DYNC2H1: variants seen among roughly 807,000 people sequenced by gnomAD.
DYNC2H1 encodes dynein cytoplasmic 2 heavy chain 1.
DYNC2H1 carries 410 observed loss-of-function variants against 570.0 expected under a neutral mutation model. The ratio of observed to expected loss-of-function variants is 0.72; its 90% CI spans 0.66 to 0.78. DYNC2H1 has a LOEUF of 0.78. DYNC2H1 is among the 30% of genes least tolerant of loss of function. The pLI, the probability that DYNC2H1 is intolerant of heterozygous loss-of-function variation, is 0.00. For synonymous variants in DYNC2H1, 1,688 were observed against 1,677.6 expected (o/e 1.01, Z -0.15); for missense variants, 4,865 against 5,046.4 (o/e 0.96, Z 1.09).
rs570184407 is a variant in DYNC2H1, at chr11:103,328,796, A to G, written c.12039+4806A>G. Among the ~76,000 whole-genome samples the G allele has an allele frequency of 5.3e-5, 8 of 152,338 alleles. No individual in the cohort carries two copies. The South Asian group carries it at 1.7e-3, about 32-fold the overall frequency. ...TACACACCACATGGCATTCTCAACCACATCAGCTAATACACTCTTTTCCTC... is the reference window on the plus strand; with the variant it reads ...TACACACCACATGGCATTCTCAACCGCATCAGCTAATACACTCTTTTCCTC... On this transcript the variant is annotated intron_variant, in intron 82 of 88. Transcript: ENST00000375735.
At position 103,199,912 on chromosome 11, in the gene DYNC2H1, A is replaced by G. The variant is rs1862649015; in HGVS notation, c.8089-134A>G. On this transcript the variant is annotated intron_variant, in intron 49 of 88. Coordinates refer to ENST00000375735, the MANE Select transcript of DYNC2H1 (RefSeq NM_001377.3). The surrounding 1 kb of genome is among the most constrained non-coding windows in gnomAD (Gnocchi z 4.6). ...ATTATGTGGCTAAAGTTTGATTTTTAATTATTAAAATGGAAATAAATGAAT... is the reference window on the plus strand; with the variant it reads ...ATTATGTGGCTAAAGTTTGATTTTTGATTATTAAAATGGAAATAAATGAAT... 1 of 633,652 alleles carries G rather than the reference A, an allele frequency of 1.6e-6. No homozygotes were observed. Among genetic ancestry groups the G allele is most frequent in the Non-Finnish European group, 2.6e-6 (1 of 383,386 alleles). 39.3% of individuals were successfully genotyped at this position (633,652 alleles called of 1,614,324 possible).
intron 85 of DYNC2H1, among the ~76,000 whole-genome samples, chr11:103,447,601 A>G (rs581977): frequency 0.53 from 81,121 of 151,908 alleles, 22,322 homozygotes; most frequent in African/African-American, 0.67. Flanking sequence ...CACATTCATC[A>G]AATTCATAGA....
Position 103,136,606 on chromosome 11 carries a change from T to G in DYNC2H1, c.2574+658T>G, listed in dbSNP as rs1174892570. Among the ~76,000 whole-genome samples, 5 of 152,240 alleles carry G rather than the reference T, an allele frequency of 3.3e-5. No individual in the cohort carries two copies. The East Asian group carries it at 7.7e-4, about 23-fold the overall frequency. On this transcript the variant is annotated intron_variant, in intron 17 of 88. Coordinates refer to ENST00000375735, the MANE Select transcript of DYNC2H1 (RefSeq NM_001377.3). ...TTCCATGGTGTATATGTGCCACATTTTCTTAATCAAGTCTATCATTGTTGG... is the reference window on the plus strand; with the variant it reads ...TTCCATGGTGTATATGTGCCACATTGTCTTAATCAAGTCTATCATTGTTGG...
chr11:103,443,032 A>G (rs992801943), intron 85 of DYNC2H1, among the ~76,000 whole-genome samples: 2 of 151,382 alleles, frequency 1.3e-5, no homozygotes, highest in African/African-American at 4.9e-5. Context: ...TTATTAATAT[A>G]TAACAAAAGA....
chr11:103,118,437 G>A (rs369813918), intron 6 of DYNC2H1, among the ~76,000 whole-genome samples: 10 of 150,862 alleles, frequency 6.6e-5, no homozygotes, highest in Middle Eastern at 6.9e-3. Flanking sequence ...GAATGTCCAC[G>A]TATCCACCAT....
In DYNC2H1 at chr11:103,386,160, T is replaced by C. The variant is rs1333278594; in HGVS notation, c.12157-13503T>C. Among the ~76,000 whole-genome samples, 5 of 152,222 alleles carry C rather than the reference T, an allele frequency of 3.3e-5. No homozygotes were observed. In the East Asian group the frequency reaches 7.7e-4, roughly 23 times the overall value. ...TAATATGTTATTCAACATTTTTGGTTGTTTTCAGCAGCAGCTAGCCCTACT... is the reference window on the plus strand; with the variant it reads ...TAATATGTTATTCAACATTTTTGGTCGTTTTCAGCAGCAGCTAGCCCTACT... On this transcript the variant is annotated intron_variant, in intron 83 of 88. Transcript: ENST00000375735.
intron 42 of DYNC2H1, 151 bp from the exon 43 acceptor site, chr11:103,187,189 A>C: frequency 6.4e-6 from 7 of 1,093,762 alleles, no homozygotes; most frequent in Non-Finnish European, 8.9e-6. Flanking sequence ...TTTGATAGTT[A>C]TGGAAGCCAT....
At chr11:103,428,183 A>G in intron 84 of DYNC2H1, among the ~76,000 whole-genome samples, 1 of 98,916 alleles carries the variant, frequency 1.0e-5, no homozygotes. Flanking sequence ...CTATAACATG[A>G]GCTTTTTTTT....
chr11:103,140,998 C>T (rs1001146701), intron 17 of DYNC2H1, among the ~76,000 whole-genome samples: 15 of 152,136 alleles, frequency 9.9e-5, no homozygotes, highest in Non-Finnish European at 1.6e-4. Flanking sequence ...TTGATCGCAT[C>T]GGCTCCTGAG....
chr11:103,176,291 A>G lies in DYNC2H1; in HGVS notation c.5731A>G (p.Thr1911Ala). 6.5e-7 allele frequency: 1 copy of G among 1,547,546 alleles called. No homozygotes were observed. Among genetic ancestry groups the G allele is most frequent in the Non-Finnish European group, 8.7e-7 (1 of 1,145,716 alleles). Residue 1911 changes from threonine (T) to alanine (A), a missense_variant, in exon 37 of 89, where the codon ACG (threonine) becomes GCG (alanine). This residue lies in a region of DYNC2H1 where 292 missense variants were observed against 300.2 expected (regional missense o/e 0.97). Transcript: ENST00000375735. ...ALRLNTMSKFTFTDCTRFDAL... is the reference protein window; with the variant it reads ...ALRLNTMSKFAFTDCTRFDAL... Reference sequence around the variant, plus strand: ...GAGGCTTAATACCATGTCAAAGTTTACGTTTACTGATTGCACCCGGTTTGA... The same window carrying G: ...GAGGCTTAATACCATGTCAAAGTTTGCGTTTACTGATTGCACCCGGTTTGA...
chr11:103,199,482 T>C lies in DYNC2H1; in HGVS notation c.8088+6T>C. On this transcript the variant is annotated splice_donor_region_variant and intron_variant, in intron 49 of 88. Coordinates refer to ENST00000375735, the MANE Select transcript of DYNC2H1 (RefSeq NM_001377.3). This position sits in a 1 kb window ranked among gnomAD's most constrained non-coding sequence, Gnocchi z 4.6. ...TCAAAAATGATCTCAAACATGTGAG[T>C]TGCCCACTCTCTTTTGCTTTATTTG... 6.4e-7 allele frequency: 1 copy of C among 1,557,834 alleles called. No homozygotes were observed. Among genetic ancestry groups the C allele is most frequent in the Non-Finnish European group, 8.7e-7 (1 of 1,151,468 alleles).
At chr11:103,236,574 G>T in intron 63 of DYNC2H1, 35 bp downstream of exon 63, 1 of 1,159,654 alleles carries the variant, frequency 8.6e-7, no homozygotes, top group Non-Finnish European at 1.3e-6. Context: ...TATTAGAAAT[G>T]TTTTATTGTC....
intron 83 of DYNC2H1, among the ~76,000 whole-genome samples, chr11:103,388,566 A>G (rs930584668): frequency 1.3e-5 from 2 of 152,224 alleles, no homozygotes; most frequent in African/African-American, 4.8e-5. Context: ...GAGAGAGGGC[A>G]TCCCTGTCTT....
At chr11:103,122,352 T>C (rs1053160558) in intron 10 of DYNC2H1, among the ~76,000 whole-genome samples, 1 of 152,238 alleles carries the variant, frequency 6.6e-6, no homozygotes. Context: ...CAGTCAGTTT[T>C]CCAGGGTGCT....
chr11:103,357,873 C>T (rs1940425979), intron 82 of DYNC2H1, among the ~76,000 whole-genome samples: 1 of 152,206 alleles, frequency 6.6e-6, no homozygotes, highest in Admixed American at 6.5e-5. Flanking sequence ...TCGCTTGAGC[C>T]CAGGGATTTG....
intron 63 of DYNC2H1, among the ~76,000 whole-genome samples, chr11:103,237,961 A>G (rs1864284826): frequency 6.6e-6 from 1 of 152,170 alleles, no homozygotes; most frequent in Non-Finnish European, 1.5e-5. Context: ...AGTTCCTTTT[A>G]GATAATTACT....
In DYNC2H1 at chr11:103,333,465, C is replaced by T. The variant is rs569545454; in HGVS notation, c.12039+9475C>T. On this transcript the variant is annotated intron_variant, in intron 82 of 88. Transcript: ENST00000375735. The stretch of plus-strand genomic sequence containing the variant: ...TTTTTAGTAGAGACAGGGGTTTCAC[C>T]GTGTTAGCCAGGATGGTCTCGATCT... 1.9e-4 allele frequency among the ~76,000 whole-genome samples: 29 copies of T among 152,186 alleles called. 1 individual carries two copies. In the East Asian group the frequency reaches 4.4e-3, roughly 23 times the overall value.
Position 103,475,084 on chromosome 11 carries a change from CTAAT to C in DYNC2H1, c.12766-4009_12766-4006del, listed in dbSNP as rs143465917. Among the ~76,000 whole-genome samples, 383 of 152,198 alleles carry C rather than the reference CTAAT, an allele frequency of 2.5e-3. 3 individuals are homozygous for C. The highest frequency in any genetic ancestry group is 8.6e-3 in the African/African-American group (357 of 41,536). ...TAAAACAATTTTTATTTATGAAAAG[CTAAT>C]TGATTCAAATGAGTGTAAAATTTCA... On this transcript the variant is annotated intron_variant, in intron 88 of 88. Transcript: ENST00000375735.
In DYNC2H1 at chr11:103,197,959, C is replaced by A; in HGVS notation, c.7735C>A (p.Arg2579=). The change falls in exon 48 of 89, where the codon CGG becomes AGG. Residue 2579 remains arginine (R), a synonymous_variant. Transcript: ENST00000375735. ...SDSFYVTWGA[R]HNSGARAAPG... ...TAGTTTCTACGTTACATGGGGAGCT[C>A]GGCATAATTCAGGAGCAAGGGCAGC... 1.3e-6 allele frequency: 2 copies of A among 1,569,830 alleles called. No homozygotes were observed. The highest frequency in any genetic ancestry group is 2.4e-5 in the East Asian group (1 of 42,518).
Sources: gnomAD v4.1 joint callset for allele counts (sites outside exome capture counted in the v4.1 genomes callset) on GRCh38, gnomAD v4.1.1 for gene constraint, gnomAD v4.1.1 regional missense constraint, Gnocchi (gnomAD v3.1) non-coding constraint, MANE v1.5 for transcripts, NCBI Gene and HGNC (gene_info 2026-07-23, HGNC 2026-07-21) for gene names.